MIS18A: variants seen among roughly 807,000 people sequenced by gnomAD.
The protein encoded by MIS18A is MIS18 kinetochore protein A.
MIS18A carries 14 observed loss-of-function variants against 25.0 expected under a neutral mutation model. That is an observed-to-expected ratio of 0.56 (90% CI 0.37 to 0.88). MIS18A has a LOEUF of 0.88. Ranked by LOEUF, MIS18A falls within the 40% of genes least tolerant of loss-of-function variation. MIS18A has a pLI of 0.00. For missense variants in MIS18A, 292 were observed against 290.8 expected (o/e 1.00, Z -0.03); for synonymous variants, 134 against 118.6 (o/e 1.13, Z -0.84).
chr21:32,161,549 T>C, the MIS18A span, among the ~76,000 whole-genome samples: 3 of 151,928 alleles, frequency 2.0e-5, no homozygotes, highest in East Asian at 5.8e-4. Context: ...TGGAGTGCAG[T>C]GGCGTGATCT....
chr21:32,160,014 G>A, the MIS18A span, among the ~76,000 whole-genome samples: 3 of 152,134 alleles, frequency 2.0e-5, no homozygotes, highest in South Asian at 2.1e-4. Context: ...AGGGGAAAGG[G>A]GATTCTCTAT....
the MIS18A span, among the ~76,000 whole-genome samples, chr21:32,246,178 G>A: frequency 3.3e-5 from 5 of 152,216 alleles, no homozygotes; most frequent in Admixed American, 2.6e-4. Flanking sequence ...ATCACCTCCC[G>A]CCAGGCTCTA....
At chr21:32,169,715 T>C in the MIS18A span, among the ~76,000 whole-genome samples, 2 of 152,114 alleles carry the variant, frequency 1.3e-5, no homozygotes. Context: ...ATGAGAGCTA[T>C]ACTGGTTCAA....
the MIS18A span, among the ~76,000 whole-genome samples, chr21:32,222,627 G>C: frequency 6.6e-6 from 1 of 152,074 alleles, no homozygotes; most frequent in South Asian, 2.1e-4. Flanking sequence ...TAGAAATCAG[G>C]ATTAAGAAAC....
At chr21:32,250,384 G>A in the MIS18A span, among the ~76,000 whole-genome samples, 7,104 of 152,204 alleles carry the variant, frequency 0.047, 239 homozygotes, top group Non-Finnish European at 0.076. Context: ...TTGAGCAGCT[G>A]GGATCCCAGC....
At chr21:32,254,531 CAA>C in the MIS18A span, among the ~76,000 whole-genome samples, 3 of 135,850 alleles carry the variant, frequency 2.2e-5, no homozygotes, top group African/African-American at 2.7e-5. Flanking sequence ...AACTCGGTCT[CAA>C]AAAAAAAAAA....
chr21:32,205,425 T>C, the MIS18A span, among the ~76,000 whole-genome samples: 5 of 152,092 alleles, frequency 3.3e-5, no homozygotes, highest in Admixed American at 3.3e-4. Flanking sequence ...TGCTCCCTCA[T>C]TCCTAGTTTC....
chr21:32,181,660 A>G, the MIS18A span, among the ~76,000 whole-genome samples: 1 of 152,070 alleles, frequency 6.6e-6, no homozygotes, highest in Non-Finnish European at 1.5e-5. Flanking sequence ...CCTGGAGCCA[A>G]AGGGTAGAGA....
the MIS18A span, among the ~76,000 whole-genome samples, chr21:32,233,796 G>A: frequency 6.6e-6 from 1 of 152,106 alleles, no homozygotes; most frequent in Non-Finnish European, 1.5e-5. Context: ...CTCCCACTCT[G>A]CCCCTGGCCA....
the MIS18A span, among the ~76,000 whole-genome samples, chr21:32,242,742 G>A: frequency 6.6e-6 from 1 of 152,196 alleles, no homozygotes; most frequent in Non-Finnish European, 1.5e-5. Flanking sequence ...CCCTATCCCT[G>A]CCCTCCAGAA....
At chr21:32,226,367 A>G in the MIS18A span, among the ~76,000 whole-genome samples, 1 of 152,232 alleles carries the variant, frequency 6.6e-6, no homozygotes, top group South Asian at 2.1e-4. Context: ...CGCATTTTAA[A>G]CTTAATGACA....
At chr21:32,202,901 T>C in the MIS18A span, among the ~76,000 whole-genome samples, 5 of 152,242 alleles carry the variant, frequency 3.3e-5, no homozygotes, top group Admixed American at 1.3e-4. Flanking sequence ...TGGTTGTTTC[T>C]ACCTTTTGGC....
chr21:32,251,724 C>A, the MIS18A span, among the ~76,000 whole-genome samples: 3 of 152,126 alleles, frequency 2.0e-5, no homozygotes, highest in Admixed American at 2.0e-4. Context: ...TTGAAGGCAA[C>A]CAAAAAGTTA....
chr21:32,234,878 T>C, the MIS18A span, among the ~76,000 whole-genome samples: 1 of 152,208 alleles, frequency 6.6e-6, no homozygotes, highest in Non-Finnish European at 1.5e-5. Flanking sequence ...TATTCCTTTA[T>C]AGCAACACAA....
chr21:32,272,186 TAAGGTGATGTTAGACAAGGAATAATCCGA>T, intron 2 of MIS18A, among the ~76,000 whole-genome samples: 1 of 152,312 alleles, frequency 6.6e-6, no homozygotes, highest in East Asian at 1.9e-4. Context: ...CCAATAATCG[TAAGGTGATGTTAGACAAGGAATAATCCGA>T]TTGTTAAGAT....
chr21:32,157,833 A>G, the MIS18A span, among the ~76,000 whole-genome samples: 3 of 152,202 alleles, frequency 2.0e-5, no homozygotes, highest in East Asian at 1.9e-4. Flanking sequence ...TAACAAAAGC[A>G]TATTTTATAT....
chr21:32,194,675 AG>A, the MIS18A span, among the ~76,000 whole-genome samples: 3 of 151,610 alleles, frequency 2.0e-5, no homozygotes, highest in East Asian at 1.9e-4. Context: ...AAAAAAAAAA[AG>A]ATATAGATAT....
chr21:32,201,051 GCGCCAGCATCTGCT>G, the MIS18A span, among the ~76,000 whole-genome samples: 1 of 152,166 alleles, frequency 6.6e-6, no homozygotes, highest in African/African-American at 2.4e-5. Flanking sequence ...AGGAGACATG[GCGCCAGCATCTGCT>G]CCTGGTGAGG....
At chr21:32,266,408 C>T (rs920875577), downstream of MIS18A, among the ~76,000 whole-genome samples, 2 of 152,196 alleles carry the variant, frequency 1.3e-5, no homozygotes, top group Non-Finnish European at 2.9e-5. Flanking sequence ...TGGCAACCTG[C>T]TCGGGTCCCC....
Sources: gnomAD v4.1 joint callset for allele counts (sites outside exome capture counted in the v4.1 genomes callset) on GRCh38, gnomAD v4.1.1 for gene constraint, MANE v1.5 for transcripts, NCBI Gene and HGNC (gene_info 2026-07-23, HGNC 2026-07-21) for gene names.